Variants in ANO3 observed in about 807,000 individuals in gnomAD.
The protein encoded by ANO3 is anoctamin-3.
In ANO3, 99 loss-of-function variants were observed where a neutral mutation model predicts 144.8. That is an observed-to-expected ratio of 0.68 (90% CI 0.58 to 0.81). ANO3 has a LOEUF of 0.81. Ranked by LOEUF, ANO3 falls within the 30% of genes least tolerant of loss-of-function variation. ANO3 has a pLI of 0.00. For synonymous variants in ANO3, 414 were observed against 392.6 expected, an observed-to-expected ratio of 1.05 and a Z score of -0.64; for missense variants, 905 against 1,202.2, an observed-to-expected ratio of 0.75 and a Z score of 3.66.
At chr11:26,313,483 G>A (rs1257591939) in intron 1 of ANO3, among the ~76,000 whole-genome samples, 2 of 151,972 alleles carry the variant, frequency 1.3e-5, no homozygotes, top group Non-Finnish European at 2.9e-5. Context: ...TCAAGAGCTC[G>A]AGACCATCCT....
At chr11:26,497,936 G>C (rs1299637723) in intron 4 of ANO3, among the ~76,000 whole-genome samples, 1 of 151,740 alleles carries the variant, frequency 6.6e-6, no homozygotes, top group Admixed American at 6.6e-5. Flanking sequence ...CTTTTCTTTT[G>C]TATTTCCATG....
chr11:26,371,826 G>A (rs1041795487), intron 1 of ANO3, among the ~76,000 whole-genome samples: 9 of 152,300 alleles, frequency 5.9e-5, no homozygotes, highest in Admixed American at 1.3e-4. Flanking sequence ...TTTGCCCAAT[G>A]CCTCTACCCC....
intron 1 of ANO3, among the ~76,000 whole-genome samples, chr11:26,248,379 G>C (rs1164518547): frequency 6.6e-6 from 1 of 151,568 alleles, no homozygotes; most frequent in African/African-American, 2.4e-5. Context: ...AAAAAGGAAG[G>C]GTTTAAAATT....
intron 18 of ANO3, among the ~76,000 whole-genome samples, chr11:26,628,365 T>C (rs1471902283): frequency 1.3e-5 from 2 of 152,176 alleles, no homozygotes; most frequent in Non-Finnish European, 2.9e-5. Flanking sequence ...CAAGGACTAA[T>C]TACCTTACTG....
intron 1 of ANO3, among the ~76,000 whole-genome samples, chr11:26,256,941 C>G (rs987320297): frequency 3.3e-5 from 5 of 151,980 alleles, no homozygotes; most frequent in African/African-American, 1.2e-4. Flanking sequence ...AAAGTAGAAG[C>G]TAGAAATGCT....
chr11:26,293,636 G>C (rs113288029), intron 1 of ANO3, among the ~76,000 whole-genome samples: 1 of 143,740 alleles, frequency 7.0e-6, no homozygotes, highest in Admixed American at 7.2e-5. Context: ...AAAACGCAAA[G>C]ATCATTTTAT....
At chr11:26,222,724 T>C (rs1004168868) in intron 1 of ANO3, among the ~76,000 whole-genome samples, 3 of 152,234 alleles carry the variant, frequency 2.0e-5, no homozygotes, top group Admixed American at 6.5e-5. Context: ...CCAAGGCTTA[T>C]GGCTTGCACC....
At chr11:26,359,022 G>A (rs548462132) in intron 1 of ANO3, among the ~76,000 whole-genome samples, 3 of 152,176 alleles carry the variant, frequency 2.0e-5, no homozygotes, top group Non-Finnish European at 4.4e-5. Flanking sequence ...ATGTGTTCAT[G>A]TTACCATATC....
chr11:26,639,238 A>G lies in ANO3; in HGVS notation c.2138A>G (p.Tyr713Cys). 6.2e-7 allele frequency: 1 copy of G among 1,610,768 alleles called. No homozygotes were observed. Among genetic ancestry groups the G allele is most frequent in the Non-Finnish European group, 8.5e-7 (1 of 1,177,178 alleles). Residue 713 changes from tyrosine to cysteine, a missense_variant, in exon 21 of 27, where the codon TAC becomes TGC. Physicochemically the swap from Tyr to Cys is radical, Grantham distance 194. This residue lies in a region of ANO3 where 597 missense variants were observed against 865.1 expected (regional missense o/e 0.69). Transcript: ENST00000256737. ...TGGAACAACTTCATGGAACTAGGAT[A>G]CCCGTGAGCACATTATTTTCAAACT... ...QIWNNFMELG[Y>C]PLIQNWWSRH...
intron 1 of ANO3, among the ~76,000 whole-genome samples, chr11:26,318,089 C>G (rs1046167302): frequency 1.3e-5 from 2 of 152,068 alleles, no homozygotes; most frequent in Non-Finnish European, 1.5e-5. Context: ...AGGGGAACAT[C>G]ACACACCAGG....
chr11:26,338,886 G>T (rs547207593), intron 1 of ANO3, among the ~76,000 whole-genome samples: 1 of 152,182 alleles, frequency 6.6e-6, no homozygotes, highest in Non-Finnish European at 1.5e-5. Context: ...AACACTCACC[G>T]CGAGGGTCCG....
chr11:26,493,407 T>C (rs1043132905), intron 4 of ANO3, among the ~76,000 whole-genome samples: 1 of 152,160 alleles, frequency 6.6e-6, no homozygotes, highest in African/African-American at 2.4e-5. Flanking sequence ...CAATATTGGC[T>C]AAAAGATAAG....
At chr11:26,513,088 A>G (rs1459102125) in intron 5 of ANO3, among the ~76,000 whole-genome samples, 2 of 152,216 alleles carry the variant, frequency 1.3e-5, no homozygotes, top group Admixed American at 6.5e-5. Flanking sequence ...AGGGTATAAG[A>G]AAGATAAGGC....
rs149211287 is a variant in ANO3, at chr11:26,458,272, T to C, written c.314-4758T>C. Among the ~76,000 whole-genome samples the C allele has an allele frequency of 6.0e-4, 92 of 152,258 alleles. No individual in the cohort carries two copies. The East Asian group carries it at 7.4e-3, about 12-fold the overall frequency. ...GAAGATCTCACTGATGGCAGAATAA[T>C]TAGCTTCATTAACCAAAATGCAATA... On this transcript the variant is annotated intron_variant, in intron 3 of 26. Transcript: ENST00000256737.
chr11:26,519,095 A>T (rs1252800963), intron 6 of ANO3, among the ~76,000 whole-genome samples: 3 of 152,262 alleles, frequency 2.0e-5, no homozygotes, highest in African/African-American at 7.2e-5. Context: ...GCCCCATCCT[A>T]TGAATTCATC....
At chr11:26,523,674 T>G (rs1191508729) in intron 6 of ANO3, among the ~76,000 whole-genome samples, 1 of 152,234 alleles carries the variant, frequency 6.6e-6, no homozygotes, top group Non-Finnish European at 1.5e-5. Flanking sequence ...TTTTTCATTT[T>G]TATTTGTTCT....
chr11:26,515,121 C>T (rs573794867), intron 5 of ANO3, among the ~76,000 whole-genome samples: 4 of 151,966 alleles, frequency 2.6e-5, no homozygotes, highest in East Asian at 3.9e-4. Context: ...ATGTTTACTT[C>T]TGGCATTGTC....
intron 3 of ANO3, among the ~76,000 whole-genome samples, chr11:26,452,127 T>C (rs1022772049): frequency 7.2e-5 from 11 of 151,868 alleles, no homozygotes; most frequent in African/African-American, 2.4e-4. Context: ...ACCACAAAGA[T>C]GGGGAAAAAA....
chr11:26,602,180 C>T (rs550053972), intron 17 of ANO3, among the ~76,000 whole-genome samples: 3 of 152,202 alleles, frequency 2.0e-5, no homozygotes, highest in African/African-American at 7.2e-5. Context: ...GACAGAAGCA[C>T]AGAAATGCAT....
Sources: allele counts gnomAD v4.1 joint callset (sites outside exome capture counted in the v4.1 genomes callset), GRCh38; gene constraint gnomAD v4.1.1; regional missense constraint gnomAD v4.1.1; transcripts MANE v1.5; gene names NCBI Gene and HGNC (gene_info 2026-07-23, HGNC 2026-07-21).